SLAIN2: variants seen among roughly 807,000 people sequenced by gnomAD.
The protein encoded by SLAIN2 is SLAIN family member 2.
Under a neutral mutation model 56.6 loss-of-function variants are expected in SLAIN2, and 31 were observed. The observed-to-expected ratio is 0.55, with a 90% CI of 0.41 to 0.74. The LOEUF (loss-of-function observed/expected upper bound fraction) is 0.74, where lower values mean the gene tolerates loss of function less well. SLAIN2 is among the 30% of genes least tolerant of loss of function. SLAIN2 has a pLI of 0.00. For synonymous variants in SLAIN2, 317 were observed against 284.9 expected (o/e 1.11, Z -1.13); for missense variants, 777 against 754.2 (o/e 1.03, Z -0.35).
chr4:48,397,826 G>A (rs1716442964), intron 6 of SLAIN2, among the ~76,000 whole-genome samples: 1 of 152,102 alleles, frequency 6.6e-6, no homozygotes, highest in East Asian at 1.9e-4. Flanking sequence ...CCCTGCAAAG[G>A]ACATGAACTC....
intron 2 of SLAIN2, among the ~76,000 whole-genome samples, chr4:48,374,300 G>A (rs1362832154): frequency 6.6e-6 from 1 of 151,922 alleles, no homozygotes; most frequent in African/African-American, 2.4e-5. Flanking sequence ...GCAGTGGTGC[G>A]ATCTTGGCTC....
intron 6 of SLAIN2, among the ~76,000 whole-genome samples, chr4:48,410,632 G>A (rs1229231920): frequency 2.6e-5 from 4 of 152,024 alleles, no homozygotes; most frequent in Non-Finnish European, 4.4e-5. Context: ...GTCCGGCTCC[G>A]CTTGCAGTAT....
intron 6 of SLAIN2, among the ~76,000 whole-genome samples, chr4:48,403,421 G>GA (rs1716609475): frequency 6.6e-6 from 1 of 152,084 alleles, no homozygotes; most frequent in African/African-American, 2.4e-5. Flanking sequence ...TTCTCACAGG[G>GA]AGGCCTTGCC....
chr4:48,372,822 G>C (rs1196190778), intron 2 of SLAIN2, among the ~76,000 whole-genome samples: 4 of 151,878 alleles, frequency 2.6e-5, no homozygotes, highest in African/African-American at 4.8e-5. Flanking sequence ...ATCTTTTAAG[G>C]AAAAATTTTG....
intron 6 of SLAIN2, among the ~76,000 whole-genome samples, chr4:48,395,152 A>G (rs2109772395): frequency 6.6e-6 from 1 of 152,288 alleles, no homozygotes; most frequent in Non-Finnish European, 1.5e-5. Flanking sequence ...AGTTGAAGAA[A>G]TATATGAAGG....
chr4:48,406,516 T>G (rs542462440), intron 6 of SLAIN2, among the ~76,000 whole-genome samples: 135 of 126,988 alleles, frequency 1.1e-3, no homozygotes, highest in Admixed American at 3.1e-3. Flanking sequence ...TTGGTTATGC[T>G]CTCTCTCTCT....
intron 1 of SLAIN2, among the ~76,000 whole-genome samples, chr4:48,344,828 T>A (rs1714820214): frequency 6.6e-6 from 1 of 152,186 alleles, no homozygotes; most frequent in South Asian, 2.1e-4. Context: ...TATGCTTGGA[T>A]ATTTTCCGCT....
chr4:48,392,188 G>A (rs1716251454), intron 6 of SLAIN2, among the ~76,000 whole-genome samples: 1 of 152,132 alleles, frequency 6.6e-6, no homozygotes, highest in South Asian at 2.1e-4. Flanking sequence ...TATGACTGTG[G>A]TATTTTAGGA....
chr4:48,365,322 T>C (rs572948687), intron 1 of SLAIN2, among the ~76,000 whole-genome samples: 2 of 150,954 alleles, frequency 1.3e-5, no homozygotes, highest in South Asian at 4.2e-4. Context: ...TACAAAAAAC[T>C]AGTTGGGCGT....
At chr4:48,342,808 C>A (rs1002389010) in intron 1 of SLAIN2, among the ~76,000 whole-genome samples, 4 of 133,398 alleles carry the variant, frequency 3.0e-5, no homozygotes, top group African/African-American at 1.1e-4. Flanking sequence ...TTGAGTCTGG[C>A]GTTTTGCAGA....
At chr4:48,344,265 G>T (rs936445364) in intron 1 of SLAIN2, among the ~76,000 whole-genome samples, 4 of 152,180 alleles carry the variant, frequency 2.6e-5, no homozygotes, top group African/African-American at 9.7e-5. Context: ...ATGCGTTGGG[G>T]TATGTGATTA....
chr4:48,416,593 CTA>C (rs1717001905), intron 6 of SLAIN2, among the ~76,000 whole-genome samples: 1 of 151,344 alleles, frequency 6.6e-6, no homozygotes, highest in South Asian at 2.1e-4. Flanking sequence ...ACTTCCAACA[CTA>C]TGTTGAATAG....
intron 1 of SLAIN2, among the ~76,000 whole-genome samples, chr4:48,351,366 T>C (rs1715004960): frequency 6.6e-6 from 1 of 152,156 alleles, no homozygotes; most frequent in African/African-American, 2.4e-5. Flanking sequence ...ACAGAAAGAG[T>C]ACTTTAGTAA....
rs533817439 is a variant in SLAIN2, at chr4:48,387,429, A to G, written c.1360+3645A>G. On this transcript the variant is annotated intron_variant, in intron 6 of 7. Coordinates refer to ENST00000264313, the MANE Select transcript of SLAIN2 (RefSeq NM_020846.2). Reference sequence around the variant, plus strand: ...TAAGGAATATATATAGGGAAAACACAATGGGATTCCAATCATTGATTTACT... The same window carrying G: ...TAAGGAATATATATAGGGAAAACACGATGGGATTCCAATCATTGATTTACT... 3 of 152,200 alleles carry G rather than the reference A, an allele frequency of 2.0e-5. No homozygotes were observed. In the South Asian group the frequency reaches 6.2e-4, roughly 31 times the overall value. 9.4% of individuals were successfully genotyped at this position (152,200 alleles called of 1,614,324 possible). A position where few individuals can be genotyped will look rare whatever the true frequency, so the allele number is the denominator to read the frequency against.
At chr4:48,371,061 C>A (rs1250265649) in intron 2 of SLAIN2, among the ~76,000 whole-genome samples, 1 of 151,436 alleles carries the variant, frequency 6.6e-6, no homozygotes, top group Non-Finnish European at 1.5e-5. Context: ...TATTACTTTT[C>A]CTCTATGAAA....
chr4:48,424,170 C>T lies in SLAIN2; in HGVS notation c.*2093C>T, dbSNP rs1717239998. On this transcript the variant is annotated 3_prime_UTR_variant, in exon 8 of 8. Transcript: ENST00000264313. ...TTTTTTTTATTAAAATATTTCATCA[C>T]TTGTTAAAACATATTTTTGATCTGA... The T allele has an allele frequency of 6.6e-6, 1 of 152,002 alleles. No individual in the cohort carries two copies. The highest frequency in any genetic ancestry group is 2.4e-5 in the African/African-American group (1 of 41,410). The allele number at this position is 152,002 out of a possible 1,614,324, so 9.4% of individuals were successfully genotyped here. A position where few individuals can be genotyped will look rare whatever the true frequency, so the allele number is the denominator to read the frequency against.
intron 6 of SLAIN2, among the ~76,000 whole-genome samples, chr4:48,406,429 A>G (rs553416000): frequency 6.6e-6 from 1 of 152,080 alleles, no homozygotes; most frequent in South Asian, 2.1e-4. Flanking sequence ...GTTTTGTCCC[A>G]TATTTCACAT....
Position 48,380,528 on chromosome 4 carries a change from A to G in SLAIN2, c.862+680A>G, listed in dbSNP as rs1010943336. On this transcript the variant is annotated intron_variant, in intron 4 of 7. Coordinates refer to ENST00000264313, the MANE Select transcript of SLAIN2 (RefSeq NM_020846.2). The stretch of plus-strand genomic sequence containing the variant: ...GTGAATGATGAAAACTTTTTAGGCC[A>G]CAGATACCTTTGAGAATCCTTTTAT... Among the ~76,000 whole-genome samples, 3 of 152,168 alleles carry G rather than the reference A, an allele frequency of 2.0e-5. No individual in the cohort carries two copies. The East Asian group carries it at 5.8e-4, about 29-fold the overall frequency.
intron 1 of SLAIN2, among the ~76,000 whole-genome samples, chr4:48,346,685 T>C (rs543067871): frequency 6.6e-6 from 1 of 152,318 alleles, no homozygotes; most frequent in Admixed American, 6.5e-5. Context: ...TTGGCAGTCA[T>C]TCACTGATTA....
Sources: allele counts gnomAD v4.1 joint callset (sites outside exome capture counted in the v4.1 genomes callset), GRCh38; gene constraint gnomAD v4.1.1; transcripts MANE v1.5; gene names NCBI Gene and HGNC (gene_info 2026-07-23, HGNC 2026-07-21).